ERC2: variants seen among roughly 807,000 people sequenced by gnomAD.
The protein encoded by ERC2 is ERC protein 2.
Under a neutral mutation model 114.8 loss-of-function variants are expected in ERC2, and 42 were observed. The observed-to-expected ratio is 0.37, with a 90% CI of 0.29 to 0.47. ERC2 has a LOEUF of 0.47. Ranked by LOEUF, ERC2 falls within the 20% of genes least tolerant of loss-of-function variation. ERC2 has a pLI of 0.99. For synonymous variants in ERC2, 454 were observed against 425.5 expected, an observed-to-expected ratio of 1.07 and a Z score of -0.82; for missense variants, 939 against 1,150.7, an observed-to-expected ratio of 0.82 and a Z score of 2.66.
At chr3:55,790,123 G>A (rs930927416) in intron 14 of ERC2, among the ~76,000 whole-genome samples, 3 of 152,148 alleles carry the variant, frequency 2.0e-5, no homozygotes, top group Non-Finnish European at 2.9e-5. Flanking sequence ...TTTATTCCCT[G>A]CAGGATAAAG....
intron 13 of ERC2, among the ~76,000 whole-genome samples, chr3:55,895,217 C>T (rs2063787257): frequency 6.6e-6 from 1 of 152,168 alleles, no homozygotes; most frequent in Non-Finnish European, 1.5e-5. Context: ...TGTTAGAATC[C>T]CTTGGGAAGC....
chr3:56,166,495 C>A (rs919964884), intron 4 of ERC2, among the ~76,000 whole-genome samples: 10 of 151,856 alleles, frequency 6.6e-5, no homozygotes, highest in Non-Finnish European at 4.4e-5. Context: ...GCCATCTGGG[C>A]CTCTAATTGT....
intron 17 of ERC2, among the ~76,000 whole-genome samples, chr3:55,670,897 GT>G (rs2061531923): frequency 6.6e-6 from 1 of 152,144 alleles, no homozygotes; most frequent in South Asian, 2.1e-4. Context: ...AAATTTCACT[GT>G]CCATAAATAT....
chr3:56,241,427 G>A (rs972829473), intron 3 of ERC2, among the ~76,000 whole-genome samples: 3 of 152,046 alleles, frequency 2.0e-5, no homozygotes, highest in African/African-American at 4.8e-5. Flanking sequence ...GAAAAGGTAC[G>A]CCTTATACAC....
At chr3:56,397,027 A>T (rs1443302974) in intron 2 of ERC2, among the ~76,000 whole-genome samples, 1 of 152,182 alleles carries the variant, frequency 6.6e-6, no homozygotes, top group Non-Finnish European at 1.5e-5. Context: ...CTCCTAGAAG[A>T]CAAAGGACTC....
chr3:55,985,834 C>T, intron 12 of ERC2, 143 bp downstream of exon 12: 2 of 707,972 alleles, frequency 2.8e-6, no homozygotes, highest in Non-Finnish European at 4.8e-6. Flanking sequence ...AATAAACCTT[C>T]CCAAGGCATG....
At chr3:55,771,779 C>G (rs757828207) in intron 14 of ERC2, among the ~76,000 whole-genome samples, 5 of 152,228 alleles carry the variant, frequency 3.3e-5, no homozygotes, top group Admixed American at 2.0e-4. Flanking sequence ...AGTACCCACT[C>G]TGCCCCACAG....
intron 3 of ERC2, among the ~76,000 whole-genome samples, chr3:56,200,731 C>T (rs1196887451): frequency 6.6e-6 from 1 of 152,150 alleles, no homozygotes; most frequent in African/African-American, 2.4e-5. Context: ...AGAAGGAAGC[C>T]GTCTGTGTTT....
At chr3:56,265,703 A>G (rs1486194606) in intron 3 of ERC2, among the ~76,000 whole-genome samples, 2 of 152,176 alleles carry the variant, frequency 1.3e-5, no homozygotes, top group South Asian at 2.1e-4. Context: ...CATATATCTG[A>G]TAAGAGGTAA....
At chr3:55,689,915 T>C (rs973514547) in intron 16 of ERC2, among the ~76,000 whole-genome samples, 6 of 152,220 alleles carry the variant, frequency 3.9e-5, no homozygotes, top group Non-Finnish European at 8.8e-5. Context: ...TAAACCACTT[T>C]GTGGATGTTA....
chr3:55,772,595 C>T (rs1162336311), intron 14 of ERC2, among the ~76,000 whole-genome samples: 2 of 152,188 alleles, frequency 1.3e-5, no homozygotes, highest in African/African-American at 4.8e-5. Context: ...GGATTACAGG[C>T]GTAAGCCACT....
intron 2 of ERC2, among the ~76,000 whole-genome samples, chr3:56,320,043 G>A (rs2057054777): frequency 6.6e-6 from 1 of 152,154 alleles, no homozygotes; most frequent in Admixed American, 6.5e-5. Context: ...CTGAGCAAAC[G>A]ACAATTCATT....
At chr3:55,885,598 G>A (rs1162049726) in intron 14 of ERC2, among the ~76,000 whole-genome samples, 2 of 152,174 alleles carry the variant, frequency 1.3e-5, no homozygotes, top group Non-Finnish European at 2.9e-5. Context: ...ACCAAAAGAG[G>A]TCTTAGTTAG....
intron 3 of ERC2, among the ~76,000 whole-genome samples, chr3:56,189,061 G>A (rs1463216683): frequency 6.7e-6 from 1 of 150,330 alleles, no homozygotes; most frequent in Non-Finnish European, 1.5e-5. Context: ...GTTTTCAGGA[G>A]GAAACCAGAG....
At chr3:56,105,221 G>C (rs958057628) in intron 6 of ERC2, among the ~76,000 whole-genome samples, 4 of 152,148 alleles carry the variant, frequency 2.6e-5, no homozygotes, top group African/African-American at 9.7e-5. Context: ...ATGGGGTAAG[G>C]ACAGGGATGA....
chr3:55,983,699 T>A (rs1368798046), intron 12 of ERC2, among the ~76,000 whole-genome samples: 1 of 152,160 alleles, frequency 6.6e-6, no homozygotes, highest in East Asian at 1.9e-4. Context: ...GAGGTGGGGA[T>A]GTGCAGGGCA....
At chr3:56,467,617 G>C (rs1245040121) in intron 1 of ERC2, among the ~76,000 whole-genome samples, 2 of 151,982 alleles carry the variant, frequency 1.3e-5, no homozygotes, top group East Asian at 3.9e-4. Flanking sequence ...AGGAGATGGG[G>C]AGGAGGAGAG....
chr3:56,010,399 A>G (rs534480046), intron 9 of ERC2, 50 bp downstream of exon 9: 1 of 1,585,956 alleles, frequency 6.3e-7, no homozygotes, highest in African/African-American at 1.4e-5. Flanking sequence ...TTCATTGAAT[A>G]TGGGTTTATG....
intron 14 of ERC2, among the ~76,000 whole-genome samples, chr3:55,867,402 G>C (rs995218780): frequency 6.6e-6 from 1 of 152,140 alleles, no homozygotes; most frequent in Non-Finnish European, 1.5e-5. Context: ...CTTTCCATGA[G>C]TTCTGAATCT....
Sources: allele counts gnomAD v4.1 joint callset (sites outside exome capture counted in the v4.1 genomes callset), GRCh38; gene constraint gnomAD v4.1.1; transcripts MANE v1.5; gene names NCBI Gene and HGNC (gene_info 2026-07-23, HGNC 2026-07-21).